The following ARIH1 variants were observed in gnomAD, a reference collection of about 807,000 sequenced individuals.
ARIH1 encodes the protein E3 ubiquitin-protein ligase ARIH1.
ARIH1 carries 8 observed loss-of-function variants against 85.0 expected under a neutral mutation model. The ratio of observed to expected loss-of-function variants is 0.09; its 90% CI spans 0.06 to 0.17. The LOEUF (loss-of-function observed/expected upper bound fraction) is 0.17, where lower values mean the gene tolerates loss of function less well. ARIH1 is among the 10% of genes least tolerant of loss of function. The probability of loss-of-function intolerance (pLI) is 1.00; values close to 1 mark genes in which losing one functional copy is unlikely to be tolerated. For missense variants in ARIH1, 311 were observed against 718.1 expected (o/e 0.43, Z 6.48); for synonymous variants, 238 against 253.6 (o/e 0.94, Z 0.59).
intron 2 of ARIH1, among the ~76,000 whole-genome samples, chr15:72,543,865 T>C (rs1308393864): frequency 6.6e-6 from 1 of 152,026 alleles, no homozygotes; most frequent in Non-Finnish European, 1.5e-5. Context: ...TTTTTTAATA[T>C]CTATTGCTTT....
In ARIH1 at chr15:72,540,119, G is replaced by T. The variant is rs144889258; in HGVS notation, c.444-4701G>T. Among the ~76,000 whole-genome samples the T allele has an allele frequency of 4.4e-3, 668 of 152,004 alleles. 7 individuals carry two copies. The highest frequency in any genetic ancestry group is 0.016 in the African/African-American group (645 of 41,452). On this transcript the variant is annotated intron_variant, in intron 2 of 13. Transcript: ENST00000379887. ...CTAAAAATACAAAAATTAGCTGGGC[G>T]TGGTGGCAGGCGCCTGTAGTCCCAG...
intron 2 of ARIH1, among the ~76,000 whole-genome samples, chr15:72,524,637 C>A (rs1422305897): frequency 6.6e-6 from 1 of 152,188 alleles, no homozygotes; most frequent in Non-Finnish European, 1.5e-5. Flanking sequence ...AGATTCCACT[C>A]CTTCCCCAAA....
At chr15:72,561,395 C>A in intron 5 of ARIH1, 88 bp from the exon 6 acceptor site, 1 of 918,430 alleles carries the variant, frequency 1.1e-6, no homozygotes, top group Non-Finnish European at 1.7e-6. Flanking sequence ...GTAGCCGTAG[C>A]ATAAACAGCT....
intron 1 of ARIH1, among the ~76,000 whole-genome samples, chr15:72,504,836 A>G (rs2063918184): frequency 6.6e-6 from 1 of 152,114 alleles, no homozygotes; most frequent in Non-Finnish European, 1.5e-5. Flanking sequence ...ATTGAACTTC[A>G]GATATATAAA....
chr15:72,484,765 A>ATG (rs1470408866), intron 1 of ARIH1, among the ~76,000 whole-genome samples: 2 of 116,680 alleles, frequency 1.7e-5, no homozygotes, highest in African/African-American at 5.1e-5. Flanking sequence ...ATACATATAT[A>ATG]TGTGTATATA....
chr15:72,555,758 A>C, intron 4 of ARIH1, 94 bp from the exon 5 acceptor site: 1 of 971,426 alleles, frequency 1.0e-6, no homozygotes, highest in Non-Finnish European at 1.6e-6. Flanking sequence ...GTAAACATTA[A>C]GGTATTCCCA....
intron 1 of ARIH1, among the ~76,000 whole-genome samples, chr15:72,501,748 T>G (rs2063905050): frequency 6.6e-6 from 1 of 152,226 alleles, no homozygotes; most frequent in African/African-American, 2.4e-5. Context: ...ATCTCACAAT[T>G]CTAATCACCA....
At chr15:72,546,311 A>C (rs2140424610) in intron 3 of ARIH1, among the ~76,000 whole-genome samples, 1 of 152,340 alleles carries the variant, frequency 6.6e-6, no homozygotes, top group African/African-American at 2.4e-5. Context: ...CACATGTACA[A>C]GTGATGAGAA....
rs1173336819 is a variant in ARIH1, at chr15:72,594,821, T to C, written c.*11529T>C. ...TTTATGCCTTTTCTTCTTTTTTTTT[T>C]TTTTTTTTTTTTTTTTTGTCTTTCT... is the stretch of plus-strand genomic sequence containing the variant. On this transcript the variant is annotated 3_prime_UTR_variant, in exon 14 of 14. Coordinates refer to ENST00000379887, the MANE Select transcript of ARIH1 (RefSeq NM_005744.5). The C allele has an allele frequency of 1.5e-5, 2 of 137,506 alleles. No individual in the cohort carries two copies. The highest frequency in any genetic ancestry group is 5.5e-5 in the African/African-American group (2 of 36,618). 8.5% of individuals were successfully genotyped at this position (137,506 alleles called of 1,614,324 possible).
chr15:72,553,382 C>A (rs1157491148), intron 3 of ARIH1, among the ~76,000 whole-genome samples: 2 of 152,154 alleles, frequency 1.3e-5, no homozygotes, highest in Non-Finnish European at 2.9e-5. Context: ...CTGAATAAAT[C>A]TTTTCATAAC....
intron 2 of ARIH1, among the ~76,000 whole-genome samples, chr15:72,528,878 T>A (rs1184910200): frequency 6.6e-6 from 1 of 151,736 alleles, no homozygotes. Flanking sequence ...ACAATTCACG[T>A]ATTATTGAGG....
rs1211453422 is a variant in ARIH1, at chr15:72,474,729, A to AGAC, written c.99_101dup (p.Asp33dup). On this transcript the variant is annotated inframe_insertion, in exon 1 of 14. Coordinates refer to ENST00000379887, the MANE Select transcript of ARIH1 (RefSeq NM_005744.5). ...GCGGCGCCGAGGAGGAGGAGGACGAAGACGACGACGAGCCGGACGATGATA... is the reference window on the plus strand; with the variant it reads ...GCGGCGCCGAGGAGGAGGAGGACGAAGACGACGACGACGAGCCGGACGATGATA... 1 of 1,563,126 alleles carries AGAC rather than the reference A, an allele frequency of 6.4e-7. No homozygotes were observed. Among genetic ancestry groups the AGAC allele is most frequent in the Admixed American group, 1.9e-5 (1 of 53,874 alleles).
intron 1 of ARIH1, among the ~76,000 whole-genome samples, chr15:72,493,945 A>T (rs60864749): frequency 7.7e-4 from 117 of 152,052 alleles, no homozygotes; most frequent in African/African-American, 2.6e-3. Context: ...CAAAAGATTT[A>T]AAAAAAACAT....
intron 9 of ARIH1, among the ~76,000 whole-genome samples, chr15:72,568,506 A>G (rs887700115): frequency 3.3e-5 from 5 of 152,164 alleles, no homozygotes; most frequent in Admixed American, 6.5e-5. Flanking sequence ...CTTAGTTTAG[A>G]TTGTAGATTA....
intron 1 of ARIH1, chr15:72,475,300 C>A: frequency 2.1e-6 from 1 of 481,372 alleles, no homozygotes. Flanking sequence ...TCTGCCAGTC[C>A]CTGGGCCGGG....
At chr15:72,567,391 A>G (rs945566898) in intron 9 of ARIH1, among the ~76,000 whole-genome samples, 1 of 151,418 alleles carries the variant, frequency 6.6e-6, no homozygotes, top group South Asian at 2.1e-4. Context: ...CAGCATCCAC[A>G]GTTCTCTGCC....
intron 3 of ARIH1, among the ~76,000 whole-genome samples, chr15:72,548,372 A>T (rs543683879): frequency 2.5e-4 from 38 of 152,338 alleles, no homozygotes; most frequent in African/African-American, 8.9e-4. Context: ...GAAAAGATTT[A>T]AAAAGTTAAT....
At position 72,560,605 on chromosome 15, in the gene ARIH1, C is replaced by A. The variant is rs1297679342; in HGVS notation, c.738-878C>A. On this transcript the variant is annotated intron_variant, in intron 5 of 13. Transcript: ENST00000379887. ...ATTCTTGTCTTTCCAAGGGAGGCAGCCTTATGCACAGCCTCTGAGGAAGGG... is the reference window on the plus strand; with the variant it reads ...ATTCTTGTCTTTCCAAGGGAGGCAGACTTATGCACAGCCTCTGAGGAAGGG... Among the ~76,000 whole-genome samples the A allele has an allele frequency of 2.6e-5, 4 of 152,122 alleles. 1 individual carries two copies. The highest frequency in any genetic ancestry group is 5.9e-5 in the Non-Finnish European group (4 of 68,016).
chr15:72,504,157 C>T (rs556335222), intron 1 of ARIH1, among the ~76,000 whole-genome samples: 23 of 152,282 alleles, frequency 1.5e-4, no homozygotes, highest in East Asian at 3.9e-4. Flanking sequence ...TGGGTTCAAG[C>T]GATTCTCCTG....
Sources: gnomAD v4.1 joint callset for allele counts (sites outside exome capture counted in the v4.1 genomes callset) on GRCh38, gnomAD v4.1.1 for gene constraint, MANE v1.5 for transcripts, NCBI Gene and HGNC (gene_info 2026-07-23, HGNC 2026-07-21) for gene names.